ENOX1: variants seen among roughly 807,000 people sequenced by gnomAD.
The protein encoded by ENOX1 is ecto-NOX disulfide-thiol exchanger 1, also known as candidate growth-related and time keeping constitutive hydroquinone (NADH) oxidase.
ENOX1 carries 42 observed loss-of-function variants against 82.5 expected under a neutral mutation model. The observed-to-expected ratio is 0.51, with a 90% confidence interval of 0.40 to 0.66. The LOEUF (loss-of-function observed/expected upper bound fraction) is 0.66, where lower values mean the gene tolerates loss of function less well. Ranked by LOEUF, ENOX1 falls within the 30% of genes least tolerant of loss-of-function variation. The pLI is 0.00. For missense variants in ENOX1, 608 were observed against 811.6 expected (o/e 0.75, Z 3.05); for synonymous variants, 271 against 282.2 (o/e 0.96, Z 0.40).
intron 2 of ENOX1, among the ~76,000 whole-genome samples, chr13:43,558,619 C>A (rs1258091287): frequency 6.6e-6 from 1 of 152,088 alleles, no homozygotes; most frequent in Non-Finnish European, 1.5e-5. Flanking sequence ...GCCTGGGTGA[C>A]AAGGAGACAC....
chr13:43,386,578 A>G (rs528821637), intron 5 of ENOX1, among the ~76,000 whole-genome samples: 1 of 152,328 alleles, frequency 6.6e-6, no homozygotes, highest in African/African-American at 2.4e-5. Flanking sequence ...AATTGAAACT[A>G]ATGTTCACCA....
chr13:43,310,409 T>TAAA lies in ENOX1; in HGVS notation c.1262-11882_1262-11880dup, dbSNP rs1283939084. 8.4e-3 allele frequency among the ~76,000 whole-genome samples: 1,275 copies of TAAA among 151,948 alleles called. 8 individuals are homozygous for TAAA. Among genetic ancestry groups the TAAA allele is most frequent in the Non-Finnish European group, 0.013 (914 of 68,006 alleles). On this transcript the variant is annotated intron_variant, in intron 11 of 16. Transcript: ENST00000690772. Reference sequence around the variant, plus strand: ...TCAAACCCATATTCAATGATTTTTTTAAAAATGACTTCCTTCCAATTAAGC... The same window carrying TAAA: ...TCAAACCCATATTCAATGATTTTTTTAAAAAAAATGACTTCCTTCCAATTAAGC...
chr13:43,591,495 G>A (rs1400659210), intron 2 of ENOX1, among the ~76,000 whole-genome samples: 1 of 152,094 alleles, frequency 6.6e-6, no homozygotes, highest in Non-Finnish European at 1.5e-5. Context: ...CAGAAAGGAG[G>A]TTTGGTGGGA....
At chr13:43,619,748 G>C (rs1253285429) in intron 2 of ENOX1, among the ~76,000 whole-genome samples, 1 of 152,090 alleles carries the variant, frequency 6.6e-6, no homozygotes, top group Non-Finnish European at 1.5e-5. Flanking sequence ...TTTGGTATTA[G>C]GGTGATGCTG....
chr13:43,668,952 C>T (rs2085121246), intron 1 of ENOX1, among the ~76,000 whole-genome samples: 1 of 152,150 alleles, frequency 6.6e-6, no homozygotes, highest in Non-Finnish European at 1.5e-5. Flanking sequence ...TTTTCAGCTT[C>T]TTTAATATTT....
At chr13:43,222,246 G>C (rs1198698091) in intron 16 of ENOX1, among the ~76,000 whole-genome samples, 1 of 152,046 alleles carries the variant, frequency 6.6e-6, no homozygotes, top group African/African-American at 2.4e-5. Context: ...GACTGGTAAG[G>C]GAACGTCACA....
At chr13:43,717,084 A>G (rs2088194293) in intron 1 of ENOX1, among the ~76,000 whole-genome samples, 1 of 152,198 alleles carries the variant, frequency 6.6e-6, no homozygotes, top group Non-Finnish European at 1.5e-5. Flanking sequence ...GAATAGCCAA[A>G]GCAATCCTAA....
chr13:43,350,296 C>T (rs1383617994), intron 8 of ENOX1, among the ~76,000 whole-genome samples: 1 of 152,148 alleles, frequency 6.6e-6, no homozygotes, highest in Non-Finnish European at 1.5e-5. Flanking sequence ...ATGATTTCAC[C>T]GCCACAGTAT....
intron 2 of ENOX1, among the ~76,000 whole-genome samples, chr13:43,492,537 C>T (rs2076655921): frequency 6.6e-6 from 1 of 152,176 alleles, no homozygotes; most frequent in African/African-American, 2.4e-5. Context: ...AGAACTAAAA[C>T]TTAACCCCAG....
rs541125280 is a variant in ENOX1 at position 43,625,949 on chromosome 13, T to A, written c.-219+41530A>T. Among the ~76,000 whole-genome samples the A allele has an allele frequency of 2.0e-5, 3 of 152,022 alleles. No homozygotes were observed. The South Asian group carries it at 6.2e-4, about 31-fold the overall frequency. The stretch of plus-strand genomic sequence containing the variant: ...ATTCTTCAAACATGTGATAGAATTC[T>A]CCAGTAAAACAAATAGGGCCTGGAT... On this transcript the variant is annotated intron_variant, in intron 2 of 16. Coordinates refer to ENST00000690772, the MANE Select transcript of ENOX1 (RefSeq NM_001347969.2).
intron 2 of ENOX1, among the ~76,000 whole-genome samples, chr13:43,615,311 A>C (rs1206936901): frequency 6.6e-6 from 1 of 152,146 alleles, no homozygotes; most frequent in Non-Finnish European, 1.5e-5. Context: ...ATAATGGAAT[A>C]ATAGTGAGCA....
intron 3 of ENOX1, among the ~76,000 whole-genome samples, chr13:43,419,152 G>A (rs116193265): frequency 0.022 from 3,331 of 152,188 alleles, 131 homozygotes; most frequent in African/African-American, 0.075. Context: ...AAACCTACCT[G>A]TAATTGTCCA....
intron 11 of ENOX1, among the ~76,000 whole-genome samples, chr13:43,306,633 A>T (rs2046880847): frequency 6.6e-6 from 1 of 152,210 alleles, no homozygotes; most frequent in Non-Finnish European, 1.5e-5. Flanking sequence ...CAGAAACTTT[A>T]AACAGCAATC....
chr13:43,347,056 G>A (rs536822944), intron 8 of ENOX1, among the ~76,000 whole-genome samples: 2 of 152,180 alleles, frequency 1.3e-5, no homozygotes, highest in Non-Finnish European at 2.9e-5. Context: ...TCATATACAG[G>A]TAGTTTTTCC....
At chr13:43,586,972 G>A (rs1249626005) in intron 2 of ENOX1, among the ~76,000 whole-genome samples, 2 of 151,996 alleles carry the variant, frequency 1.3e-5, no homozygotes, top group Non-Finnish European at 2.9e-5. Flanking sequence ...TACTCAGGAG[G>A]CTGAGGCAGG....
At chr13:43,444,049 C>T (rs988619775) in intron 3 of ENOX1, among the ~76,000 whole-genome samples, 2 of 152,108 alleles carry the variant, frequency 1.3e-5, no homozygotes, top group Non-Finnish European at 2.9e-5. Context: ...AAAGTGAGAA[C>T]GCTGCAGTAA....
At position 43,570,502 on chromosome 13, in the gene ENOX1, T is replaced by C. The variant is rs547250458; in HGVS notation, c.-218-86350A>G. On this transcript the variant is annotated intron_variant, in intron 2 of 16. Transcript: ENST00000690772. ...GGAGGACCTCAGAGGCCAAGGACAT[T>C]AAAATTTCAAATAAGAAGGGGTATC... 2.0e-5 allele frequency among the ~76,000 whole-genome samples: 3 copies of C among 152,186 alleles called. No individual in the cohort carries two copies. In the South Asian group the frequency reaches 6.2e-4, roughly 32 times the overall value.
intron 14 of ENOX1, among the ~76,000 whole-genome samples, chr13:43,239,154 T>C (rs186930264): frequency 3.9e-5 from 6 of 152,310 alleles, no homozygotes; most frequent in African/African-American, 1.4e-4. Context: ...AGGGTCACCA[T>C]TCTGTGGAAG....
intron 12 of ENOX1, among the ~76,000 whole-genome samples, chr13:43,275,468 A>G (rs1401016789): frequency 2.0e-5 from 3 of 152,072 alleles, no homozygotes; most frequent in African/African-American, 7.2e-5. Flanking sequence ...TGGGGTTAGG[A>G]GAACTTCTGT....
Sources: gnomAD v4.1 joint callset for allele counts (sites outside exome capture counted in the v4.1 genomes callset) on GRCh38, gnomAD v4.1.1 for gene constraint, MANE v1.5 for transcripts, NCBI Gene and HGNC (gene_info 2026-07-23, HGNC 2026-07-21) for gene names.